The following NIBAN1 variants were observed in gnomAD, a reference collection of about 807,000 sequenced individuals.
The protein encoded by NIBAN1 is niban apoptosis regulator 1, also known as protein Niban 1.
A neutral mutation model predicts 75.1 loss-of-function variants in NIBAN1; 81 were observed. The observed-to-expected ratio is 1.08, with a 90% CI of 0.90 to 1.30. The LOEUF is 1.30. NIBAN1 is among the 50% of genes most tolerant of loss of function. The pLI, the probability that NIBAN1 is intolerant of heterozygous loss-of-function variation, is 0.00. For synonymous variants in NIBAN1, 436 were observed against 424.8 expected (o/e 1.03, Z -0.32); for missense variants, 1,133 against 1,128.1 (o/e 1.00, Z -0.06).
intron 3 of NIBAN1, among the ~76,000 whole-genome samples, 175 bp downstream of exon 3, chr1:184,893,900 T>A (rs1656732973): frequency 6.6e-6 from 1 of 152,228 alleles, no homozygotes; most frequent in Non-Finnish European, 1.5e-5. Context: ...ATCTGTTAGC[T>A]GAAATAGATA....
At chr1:184,904,133 T>A (rs904332658) in intron 1 of NIBAN1, among the ~76,000 whole-genome samples, 13 of 152,086 alleles carry the variant, frequency 8.5e-5, no homozygotes, top group African/African-American at 3.1e-4. Context: ...TGACCTCAAG[T>A]GATCCACCCG....
intron 9 of NIBAN1, among the ~76,000 whole-genome samples, chr1:184,815,871 A>G (rs181748467): frequency 6.6e-6 from 1 of 152,204 alleles, no homozygotes; most frequent in Admixed American, 6.5e-5. Context: ...CATGGTTTAG[A>G]CTAAAAGGCA....
rs555147332 is a variant in NIBAN1, at chr1:184,884,980, C to T, written c.434-180G>A. On this transcript the variant is annotated intron_variant, in intron 4 of 13. Transcript: ENST00000367511. ...TCCTCTGGCATCCCTCCACCAGCTTCCCCTGTCCCACTGCGGTCTGCCTGG... is the reference window on the plus strand; with the variant it reads ...TCCTCTGGCATCCCTCCACCAGCTTTCCCTGTCCCACTGCGGTCTGCCTGG... 1.1e-4 allele frequency among the ~76,000 whole-genome samples: 16 copies of T among 152,338 alleles called. No individual in the cohort carries two copies. In the East Asian group the frequency reaches 1.5e-3, roughly 15 times the overall value.
chr1:184,870,526 C>T (rs913164467), intron 5 of NIBAN1, among the ~76,000 whole-genome samples: 8 of 152,096 alleles, frequency 5.3e-5, no homozygotes, highest in Non-Finnish European at 2.9e-5. Context: ...TCATTTCCCC[C>T]GCTGTCAAGG....
At chr1:184,909,740 A>T (rs1391980332) in intron 1 of NIBAN1, among the ~76,000 whole-genome samples, 2 of 152,348 alleles carry the variant, frequency 1.3e-5, no homozygotes, top group Admixed American at 1.3e-4. Flanking sequence ...GTCAAGCACT[A>T]TGTCTCTGGA....
intron 5 of NIBAN1, among the ~76,000 whole-genome samples, chr1:184,884,215 CTTTTTTTT>C (rs11334000): frequency 1.5e-5 from 1 of 66,800 alleles, no homozygotes; most frequent in East Asian, 5.2e-4. Flanking sequence ...ATCTGTGGCT[CTTTTTTTT>C]TTTTTTTTTT....
intron 1 of NIBAN1, among the ~76,000 whole-genome samples, chr1:184,964,208 A>G (rs1658720583): frequency 1.3e-5 from 2 of 152,240 alleles, no homozygotes; most frequent in Admixed American, 1.3e-4. Context: ...GGAAGGGACA[A>G]CGAGTTTGCC....
chr1:184,839,862 G>A (rs1024010590), intron 5 of NIBAN1, among the ~76,000 whole-genome samples: 1 of 152,038 alleles, frequency 6.6e-6, no homozygotes, highest in Admixed American at 6.6e-5. Context: ...CTCCTAAAGC[G>A]CTGGGATTAT....
intron 5 of NIBAN1, among the ~76,000 whole-genome samples, chr1:184,841,240 T>G (rs1434150945): frequency 1.3e-5 from 2 of 152,032 alleles, no homozygotes; most frequent in African/African-American, 4.8e-5. Context: ...ATAAATTGAA[T>G]GAATAAAGGT....
chr1:184,937,561 T>C (rs1185105115), intron 1 of NIBAN1, among the ~76,000 whole-genome samples: 2 of 152,226 alleles, frequency 1.3e-5, no homozygotes, highest in African/African-American at 2.4e-5. Flanking sequence ...TGCAGGTCTT[T>C]GGAGACATAA....
rs761801566 is a variant in NIBAN1, at chr1:184,794,903, G to T, written c.*74C>A. ...CTTAAAAATTTTTTGGTAACAGCTT[G>T]CATGCAACCCCTAAGTGTACCCCTA... On this transcript the variant is annotated 3_prime_UTR_variant, in exon 14 of 14. Transcript: ENST00000367511. 34 of 1,591,246 alleles carry T rather than the reference G, an allele frequency of 2.1e-5. No homozygotes were observed. Among genetic ancestry groups the T allele is most frequent in the Middle Eastern group, 1.6e-4 (1 of 6,066 alleles).
chr1:184,895,028 T>A (rs1420102294), intron 2 of NIBAN1, among the ~76,000 whole-genome samples: 3 of 152,160 alleles, frequency 2.0e-5, no homozygotes, highest in Admixed American at 2.0e-4. Context: ...TAAAAAATCA[T>A]AGTGCCTTCA....
rs774499306 is a variant in NIBAN1 at position 184,805,997 on chromosome 1, C to T, written c.1395G>A (p.Glu465=). 72 of 1,614,094 alleles carry T rather than the reference C, an allele frequency of 4.5e-5. No homozygotes were observed. The highest frequency in any genetic ancestry group is 6.1e-5 in the Non-Finnish European group (72 of 1,180,040). ...EQLLSPHLQG[E]ASKTAVAIEK... ...CAATGGCAACTGCAGTTTTGGAGGCCTCTCCTTGGAGATGTGGGGAAAGCA... is the reference window on the plus strand; with the variant it reads ...CAATGGCAACTGCAGTTTTGGAGGCTTCTCCTTGGAGATGTGGGGAAAGCA... Residue 465 remains glutamate (E), a synonymous_variant, in exon 11 of 14, where the codon GAG becomes GAA. Coordinates refer to ENST00000367511, the MANE Select transcript of NIBAN1 (RefSeq NM_052966.4).
chr1:184,795,557 C>A lies in NIBAN1; in HGVS notation c.2207G>T (p.Gly736Val), dbSNP rs755876221. ...ATTTTCTTGGGGAACGTGGCTCTCC[C>A]CATTCGTATCTTCTTCCATCACTGG... is the stretch of plus-strand genomic sequence containing the variant. Reference protein sequence around the residue: ...SAPVMEEDTNGESHVPQENEE... With the variant: ...SAPVMEEDTNVESHVPQENEE... Residue 736 changes from glycine to valine, a missense_variant, in exon 14 of 14, where the codon GGG becomes GTG. Gly to Val is a moderately radical substitution (Grantham distance 109). Transcript: ENST00000367511. 2.5e-6 allele frequency: 4 copies of A among 1,614,182 alleles called. No homozygotes were observed. The South Asian group carries it at 4.4e-5, about 18-fold the overall frequency.
chr1:184,968,981 G>T (rs28677985), intron 1 of NIBAN1, among the ~76,000 whole-genome samples: 2 of 152,156 alleles, frequency 1.3e-5, no homozygotes, highest in African/African-American at 4.8e-5. Context: ...TTACAATCCA[G>T]CCAGCAGTGT....
chr1:184,837,629 A>G lies in NIBAN1; in HGVS notation c.602-5667T>C, dbSNP rs145349933. On this transcript the variant is annotated intron_variant, in intron 5 of 13. Coordinates refer to ENST00000367511, the MANE Select transcript of NIBAN1 (RefSeq NM_052966.4). ...GTTGGGATCCTTCAGAATCCCAGAC[A>G]GACACTGGTTTGGCCCCGGCTTGAT... Among the ~76,000 whole-genome samples the G allele has an allele frequency of 7.0e-3, 1,063 of 152,302 alleles. 7 individuals carry two copies. Among genetic ancestry groups the G allele is most frequent in the South Asian group, 0.017 (83 of 4,828 alleles).
intron 3 of NIBAN1, among the ~76,000 whole-genome samples, chr1:184,890,581 A>G (rs1656642490): frequency 6.6e-6 from 1 of 152,200 alleles, no homozygotes; most frequent in African/African-American, 2.4e-5. Context: ...AATAACCACA[A>G]AGGTGACGAT....
In NIBAN1 at chr1:184,792,981, G is replaced by C. The variant is rs1653737426; in HGVS notation, c.*1996C>G. 1 of 152,238 alleles carries C rather than the reference G, an allele frequency of 6.6e-6. No individual in the cohort carries two copies. The highest frequency in any genetic ancestry group is 2.4e-5 in the African/African-American group (1 of 41,456). The allele number at this position is 152,238 out of a possible 1,614,324, so 9.4% of individuals were successfully genotyped here. ...GCAGAAAGCAGAGACTGGGGGAGAA[G>C]TGGTCTTTACTTCCTTCACCTGTGG... On this transcript the variant is annotated 3_prime_UTR_variant, in exon 14 of 14. Coordinates refer to ENST00000367511, the MANE Select transcript of NIBAN1 (RefSeq NM_052966.4).
intron 13 of NIBAN1, among the ~76,000 whole-genome samples, chr1:184,797,562 C>A (rs974981429): frequency 2.0e-5 from 3 of 151,348 alleles, no homozygotes; most frequent in African/African-American, 7.3e-5. Context: ...GCATCATCAC[C>A]CTGCACCTTT....
Sources: gnomAD v4.1 joint callset for allele counts (sites outside exome capture counted in the v4.1 genomes callset) on GRCh38, gnomAD v4.1.1 for gene constraint, MANE v1.5 for transcripts, NCBI Gene and HGNC (gene_info 2026-07-23, HGNC 2026-07-21) for gene names.